LDB2: variants seen among roughly 807,000 people sequenced by gnomAD.
The protein encoded by LDB2 is LIM domain binding 2, also known as LIM domain-binding protein 2.
LDB2 carries 12 observed loss-of-function variants against 44.3 expected under a neutral mutation model. That is an observed-to-expected ratio of 0.27 (90% CI 0.17 to 0.44). LDB2 has a LOEUF of 0.44. Among genes scored for constraint, LDB2 ranks in the 20% least tolerant of loss-of-function variants. The probability of loss-of-function intolerance (pLI) is 1.00; values close to 1 mark genes in which losing one functional copy is unlikely to be tolerated. For missense variants in LDB2, 344 were observed against 473.5 expected (o/e 0.73, Z 2.54); for synonymous variants, 164 against 174.8 (o/e 0.94, Z 0.49).
intron 2 of LDB2, among the ~76,000 whole-genome samples, chr4:16,663,887 T>C (rs1293940991): frequency 6.6e-6 from 1 of 152,154 alleles, no homozygotes; most frequent in Non-Finnish European, 1.5e-5. Context: ...GATTGCACAA[T>C]TTCCTCTAGT....
intron 1 of LDB2, among the ~76,000 whole-genome samples, chr4:16,875,952 A>G (rs916925568): frequency 6.6e-6 from 1 of 152,204 alleles, no homozygotes; most frequent in South Asian, 2.1e-4. Flanking sequence ...GTAGGAATGC[A>G]TTATAGGAAG....
At chr4:16,741,566 T>A (rs576472086) in intron 2 of LDB2, 20 of 151,960 alleles carry the variant, frequency 1.3e-4, no homozygotes, top group African/African-American at 4.8e-4. Flanking sequence ...AAGACAGGAG[T>A]CCAGTCAGAT....
intron 5 of LDB2, among the ~76,000 whole-genome samples, chr4:16,513,816 T>G (rs1257951091): frequency 6.6e-6 from 1 of 152,164 alleles, no homozygotes; most frequent in Non-Finnish European, 1.5e-5. Flanking sequence ...CAGCAAGCCA[T>G]AGAAACTAGA....
intron 5 of LDB2, among the ~76,000 whole-genome samples, chr4:16,535,534 A>T (rs551680607): frequency 3.9e-5 from 6 of 152,138 alleles, no homozygotes; most frequent in African/African-American, 1.4e-4. Context: ...GGTGATTTTC[A>T]CTCTTATGGG....
At chr4:16,655,063 C>T (rs980487513) in intron 2 of LDB2, among the ~76,000 whole-genome samples, 3 of 152,100 alleles carry the variant, frequency 2.0e-5, no homozygotes, top group Non-Finnish European at 4.4e-5. Context: ...TTTGCCCGAT[C>T]TGAAATTGCA....
intron 1 of LDB2, 32 bp downstream of exon 1, chr4:16,898,322 C>T (rs1295090288): frequency 1.2e-6 from 2 of 1,600,206 alleles, no homozygotes; most frequent in East Asian, 2.3e-5. Context: ...AACAAAAATA[C>T]ACAAACACAT....
At chr4:16,537,989 T>G (rs1437497466) in intron 5 of LDB2, among the ~76,000 whole-genome samples, 2 of 152,202 alleles carry the variant, frequency 1.3e-5, no homozygotes, top group African/African-American at 4.8e-5. Flanking sequence ...TGTACTGCTT[T>G]ATCCCTTTTG....
intron 2 of LDB2, among the ~76,000 whole-genome samples, chr4:16,749,972 C>T (rs1307687468): frequency 1.3e-5 from 2 of 152,176 alleles, no homozygotes; most frequent in South Asian, 2.1e-4. Context: ...CCCGCTTCTC[C>T]ATGCCTCGTT....
intron 1 of LDB2, among the ~76,000 whole-genome samples, chr4:16,888,964 T>C (rs1308889955): frequency 6.6e-6 from 1 of 152,082 alleles, no homozygotes; most frequent in Non-Finnish European, 1.5e-5. Flanking sequence ...TGGTCACTGT[T>C]TTCATTCCAG....
chr4:16,508,758 T>G lies in LDB2; in HGVS notation c.740-72A>C, dbSNP rs976372897. On this transcript the variant is annotated intron_variant, in intron 6 of 7. Transcript: ENST00000304523. ...ACAAGGCAATCATCAGTATGGTTAC[T>G]CTAAGGAAGCTGTCTTGGTAAACTG... 2.1e-6 allele frequency: 3 copies of G among 1,438,352 alleles called. No individual in the cohort carries two copies. The Admixed American group carries it at 6.2e-5, about 30-fold the overall frequency. The allele number at this position is 1,438,352 out of a possible 1,614,324, so 89.1% of individuals were successfully genotyped here. A position where few individuals can be genotyped will look rare whatever the true frequency, so the allele number is the denominator to read the frequency against.
intron 5 of LDB2, among the ~76,000 whole-genome samples, chr4:16,577,679 C>T (rs143074990): frequency 6.6e-6 from 1 of 152,268 alleles, no homozygotes; most frequent in African/African-American, 2.4e-5. Context: ...CAATCCCTAT[C>T]AAAATACCAA....
At chr4:16,810,805 A>G (rs1392388233) in intron 1 of LDB2, among the ~76,000 whole-genome samples, 1 of 152,108 alleles carries the variant, frequency 6.6e-6, no homozygotes, top group Non-Finnish European at 1.5e-5. Flanking sequence ...TCAAATTCCA[A>G]TATTATTACC....
At chr4:16,729,340 T>C (rs1760232429) in intron 2 of LDB2, among the ~76,000 whole-genome samples, 1 of 152,156 alleles carries the variant, frequency 6.6e-6, no homozygotes, top group Admixed American at 6.5e-5. Flanking sequence ...TATTTAAGGG[T>C]AACGCACATT....
chr4:16,770,871 G>T (rs1465126667), intron 1 of LDB2, among the ~76,000 whole-genome samples: 1 of 152,150 alleles, frequency 6.6e-6, no homozygotes, highest in Non-Finnish European at 1.5e-5. Flanking sequence ...CACAGGTTTT[G>T]TTCATGACAG....
Position 16,607,301 on chromosome 4 carries a change from G to A in LDB2, c.236-11426C>T, listed in dbSNP as rs576654019. Among the ~76,000 whole-genome samples the A allele has an allele frequency of 7.3e-4, 111 of 152,260 alleles. 1 individual carries two copies. The highest frequency in any genetic ancestry group is 2.6e-3 in the African/African-American group (109 of 41,542). ...CATTCAGCATCCGCCACCCAGGGGG[G>A]CCTTGCTTCATCTCTTCTGTTTTAT... is the stretch of plus-strand genomic sequence containing the variant. On this transcript the variant is annotated intron_variant, in intron 2 of 7. Coordinates refer to ENST00000304523, the MANE Select transcript of LDB2 (RefSeq NM_001290.5).
chr4:16,592,232 T>C (rs562911572), intron 3 of LDB2, among the ~76,000 whole-genome samples: 77 of 152,274 alleles, frequency 5.1e-4, no homozygotes, highest in African/African-American at 1.8e-3. Context: ...TTTCTTTGGC[T>C]AATTGTAACG....
chr4:16,586,153 A>G (rs1716714841), intron 4 of LDB2, 148 bp from the exon 5 acceptor site: 1 of 631,200 alleles, frequency 1.6e-6, no homozygotes, highest in Middle Eastern at 2.6e-4. Context: ...TTTAATTTAC[A>G]TTTTGAAGAC....
intron 5 of LDB2, among the ~76,000 whole-genome samples, chr4:16,526,719 A>G (rs143968385): frequency 3.5e-4 from 54 of 152,288 alleles, no homozygotes; most frequent in African/African-American, 1.3e-3. Flanking sequence ...GAGCCAAGGA[A>G]TGTGTACACC....
intron 2 of LDB2, among the ~76,000 whole-genome samples, chr4:16,745,640 G>A (rs752129626): frequency 6.6e-5 from 10 of 152,106 alleles, no homozygotes; most frequent in African/African-American, 9.7e-5. Context: ...CCCATACTGC[G>A]TTAAGAAAGA....
Sources: allele counts gnomAD v4.1 joint callset (sites outside exome capture counted in the v4.1 genomes callset), GRCh38; gene constraint gnomAD v4.1.1; transcripts MANE v1.5; gene names NCBI Gene and HGNC (gene_info 2026-07-23, HGNC 2026-07-21).